STX16: variants seen among roughly 807,000 people sequenced by gnomAD.
STX16 encodes the protein syntaxin-16.
In STX16, 28 loss-of-function variants were observed where a neutral mutation model predicts 42.7. The observed-to-expected ratio is 0.66, with a 90% CI of 0.49 to 0.90. The LOEUF (loss-of-function observed/expected upper bound fraction) is 0.90. Among genes scored for constraint, STX16 ranks in the 40% least tolerant of loss-of-function variants. The pLI is 0.00. For synonymous variants in STX16, 156 were observed against 155.2 expected (o/e 1.00, Z -0.04); for missense variants, 361 against 420.9 (o/e 0.86, Z 1.24).
intron 8 of STX16, among the ~76,000 whole-genome samples, chr20:58,675,203 T>C (rs1312001321): frequency 6.6e-6 from 1 of 152,136 alleles, no homozygotes; most frequent in African/African-American, 2.4e-5. Flanking sequence ...TCCTGGTGGA[T>C]GAGGGGCTCC....
intron 7 of STX16, among the ~76,000 whole-genome samples, chr20:58,673,415 G>A (rs940561650): frequency 6.6e-6 from 1 of 152,114 alleles, no homozygotes; most frequent in Admixed American, 6.5e-5. Flanking sequence ...TCTTTCTCGT[G>A]AGCTAGATGT....
At chr20:58,666,729 G>A (rs1409127885) in intron 2 of STX16, among the ~76,000 whole-genome samples, 2 of 152,040 alleles carry the variant, frequency 1.3e-5, no homozygotes, top group South Asian at 4.2e-4. Flanking sequence ...GCGCCCAGCC[G>A]ATTTCCCTCC....
intron 2 of STX16, among the ~76,000 whole-genome samples, chr20:58,664,714 T>A (rs1163345376): frequency 1.3e-5 from 2 of 152,258 alleles, no homozygotes; most frequent in South Asian, 4.1e-4. Flanking sequence ...TTTGTTGTTT[T>A]GGATAAAATG....
chr20:58,674,303 T>TA (rs1242391574), intron 8 of STX16, among the ~76,000 whole-genome samples: 3 of 152,154 alleles, frequency 2.0e-5, no homozygotes, highest in African/African-American at 7.2e-5. Context: ...TATTCTCTTT[T>TA]AAAAAAATAG....
At chr20:58,654,362 TA>T (rs759682860) in intron 1 of STX16, among the ~76,000 whole-genome samples, 1 of 152,166 alleles carries the variant, frequency 6.6e-6, no homozygotes, top group African/African-American at 2.4e-5. Flanking sequence ...TTAATTGTGT[TA>T]AAAAATGGCA....
intron 8 of STX16, among the ~76,000 whole-genome samples, chr20:58,674,091 C>T (rs528123607): frequency 6.6e-5 from 10 of 152,196 alleles, no homozygotes; most frequent in Admixed American, 2.0e-4. Context: ...TGCTTGTTGC[C>T]GTTGACTTGG....
chr20:58,652,943 T>A (rs1285522667), intron 1 of STX16, among the ~76,000 whole-genome samples: 2 of 152,008 alleles, frequency 1.3e-5, no homozygotes, highest in East Asian at 3.8e-4. Flanking sequence ...AAAATTACTG[T>A]TTGGGGTTTG....
chr20:58,667,363 T>C, intron 2 of STX16, 127 bp from the exon 3 acceptor site: 1 of 819,934 alleles, frequency 1.2e-6, no homozygotes, highest in Non-Finnish European at 2.0e-6. Flanking sequence ...GGAGCAACAT[T>C]TAAGAGAGAG....
At chr20:58,676,093 C>A in intron 8 of STX16, 94 bp from the exon 9 acceptor site, 3 of 963,016 alleles carry the variant, frequency 3.1e-6, no homozygotes, top group Non-Finnish European at 5.0e-6. Flanking sequence ...AGTCACTGTG[C>A]AGAGAGATCT....
At chr20:58,652,464 G>T (rs2083490009) in intron 1 of STX16, among the ~76,000 whole-genome samples, 1 of 150,690 alleles carries the variant, frequency 6.6e-6, no homozygotes, top group African/African-American at 2.4e-5. Context: ...GAAGCATTGG[G>T]CCTTTCTGAA....
intron 1 of STX16, chr20:58,652,371 A>ACCCCCC (rs11481928): frequency 1.4e-3 from 644 of 461,870 alleles, no homozygotes; most frequent in Admixed American, 3.8e-3. Context: ...CTTCCGCAGC[A>ACCCCCC]CCCCCCCCCC....
At chr20:58,667,655 T>C in intron 3 of STX16, 58 bp downstream of exon 3, 1 of 1,443,640 alleles carries the variant, frequency 6.9e-7, no homozygotes, top group Non-Finnish European at 9.7e-7. Flanking sequence ...TGACAATGTA[T>C]TTTAAGATAT....
At chr20:58,674,808 C>T (rs1390810760) in intron 8 of STX16, among the ~76,000 whole-genome samples, 1 of 152,036 alleles carries the variant, frequency 6.6e-6, no homozygotes, top group East Asian at 1.9e-4. Flanking sequence ...TCTGTAATAC[C>T]CAGGTTTTGA....
chr20:58,652,348 G>C (rs1415259993), intron 1 of STX16: 8 of 713,048 alleles, frequency 1.1e-5, no homozygotes, highest in Admixed American at 8.3e-5. Context: ...ACCTCTGCCC[G>C]GTCTTCTCCT....
chr20:58,655,587 G>A (rs2083568079), intron 1 of STX16, among the ~76,000 whole-genome samples: 1 of 152,186 alleles, frequency 6.6e-6, no homozygotes, highest in Non-Finnish European at 1.5e-5. Context: ...TGGCCATGGT[G>A]TATGACAATG....
chr20:58,662,671 T>A (rs2083728606), intron 2 of STX16, among the ~76,000 whole-genome samples: 1 of 151,948 alleles, frequency 6.6e-6, no homozygotes, highest in Non-Finnish European at 1.5e-5. Context: ...CCACCATGCG[T>A]GGCTATTTTA....
Position 58,670,498 on chromosome 20 carries a change from C to T in STX16, c.557-14C>T. 1 of 1,606,576 alleles carries T rather than the reference C, an allele frequency of 6.2e-7. No individual in the cohort carries two copies. Among genetic ancestry groups the T allele is most frequent in the Non-Finnish European group, 8.5e-7 (1 of 1,173,312 alleles). ...TTTACATATTCAAGTAAAATGAATT[C>T]CTATCTGTGATAGGCATGAAGAATC... On this transcript the variant is annotated splice_polypyrimidine_tract_variant and intron_variant, in intron 5 of 8. Coordinates refer to ENST00000371141, the MANE Select transcript of STX16 (RefSeq NM_001001433.3).
chr20:58,662,802 C>T (rs1003262176), intron 2 of STX16, among the ~76,000 whole-genome samples: 1 of 152,228 alleles, frequency 6.6e-6, no homozygotes, highest in Non-Finnish European at 1.5e-5. Context: ...GCTAGGATTA[C>T]AGGCGTGAGC....
intron 1 of STX16, among the ~76,000 whole-genome samples, chr20:58,658,955 G>A (rs1449812710): frequency 6.6e-6 from 1 of 152,140 alleles, no homozygotes; most frequent in Non-Finnish European, 1.5e-5. Flanking sequence ...ACCAAGAGAT[G>A]GTAAGAGTTT....
Sources: allele counts gnomAD v4.1 joint callset (sites outside exome capture counted in the v4.1 genomes callset), GRCh38; gene constraint gnomAD v4.1.1; transcripts MANE v1.5; gene names NCBI Gene and HGNC (gene_info 2026-07-23, HGNC 2026-07-21).